HS6ST3: variants seen among roughly 807,000 people sequenced by gnomAD.
The protein encoded by HS6ST3 is heparan sulfate 6-O-sulfotransferase 3.
Under a neutral mutation model 36.7 loss-of-function variants are expected in HS6ST3, and 12 were observed. The observed-to-expected ratio is 0.33, with a 90% confidence interval of 0.21 to 0.53. The LOEUF is 0.53. Ranked by LOEUF, HS6ST3 falls within the 20% of genes least tolerant of loss-of-function variation. The pLI is 0.95. For synonymous variants in HS6ST3, 240 were observed against 257.5 expected (o/e 0.93, Z 0.65); for missense variants, 584 against 640.9 (o/e 0.91, Z 0.96).
At chr13:96,163,443 A>T (rs1012706700) in intron 1 of HS6ST3, among the ~76,000 whole-genome samples, 1 of 151,766 alleles carries the variant, frequency 6.6e-6, no homozygotes, top group Non-Finnish European at 1.5e-5. Context: ...ATTAGCTAGC[A>T]TGGTCTCGAT....
intron 1 of HS6ST3, among the ~76,000 whole-genome samples, chr13:96,618,042 C>T (rs1346670684): frequency 6.6e-6 from 1 of 152,184 alleles, no homozygotes; most frequent in Non-Finnish European, 1.5e-5. Context: ...AGCTTGCACT[C>T]CAATGAACAG....
rs1268298882 is a variant in HS6ST3, at chr13:96,832,831, T to G, written c.1049T>G (p.Phe350Cys). ...SAKNNLKNMA[F>C]FGLTEFQRKT... ...AAGAACAACCTGAAGAACATGGCCT[T>G]CTTTGGGCTCACTGAGTTCCAGAGG... The change falls in exon 2 of 2, where the codon TTC becomes TGC. Residue 350 changes from phenylalanine (F) to cysteine (C), a missense_variant. By Grantham distance (205) the Phe-to-Cys change is radical. Transcript: ENST00000376705. 6.2e-7 allele frequency: 1 copy of G among 1,614,156 alleles called. No homozygotes were observed. The highest frequency in any genetic ancestry group is 1.7e-5 in the Admixed American group (1 of 60,032).
chr13:96,253,195 T>C (rs570015732), intron 1 of HS6ST3, among the ~76,000 whole-genome samples: 4 of 152,086 alleles, frequency 2.6e-5, no homozygotes, highest in African/African-American at 7.2e-5. Context: ...GAATCTGCAG[T>C]TGGCTGTTGA....
intron 1 of HS6ST3, among the ~76,000 whole-genome samples, chr13:96,439,193 T>C (rs1163607918): frequency 6.6e-6 from 1 of 152,320 alleles, no homozygotes; most frequent in East Asian, 1.9e-4. Flanking sequence ...AGCAGAACAC[T>C]ATGGTTCTAG....
At chr13:96,697,474 C>T (rs182723178) in intron 1 of HS6ST3, among the ~76,000 whole-genome samples, 17 of 152,020 alleles carry the variant, frequency 1.1e-4, no homozygotes, top group Middle Eastern at 3.4e-3. Flanking sequence ...CTGAAGAGGA[C>T]AAGATCTTTC....
chr13:96,248,146 T>G (rs2054592602), intron 1 of HS6ST3, among the ~76,000 whole-genome samples: 1 of 152,198 alleles, frequency 6.6e-6, no homozygotes, highest in Admixed American at 6.5e-5. Context: ...TGCAGACATT[T>G]TAACCCTAAA....
At chr13:96,214,427 C>T (rs1269678235) in intron 1 of HS6ST3, among the ~76,000 whole-genome samples, 1 of 152,090 alleles carries the variant, frequency 6.6e-6, no homozygotes, top group Non-Finnish European at 1.5e-5. Context: ...CCCCAGACTC[C>T]TGGAGTTCTA....
rs548794164 is a variant in HS6ST3 at position 96,440,758 on chromosome 13, A to G, written c.707+349189A>G. 1.1e-4 allele frequency among the ~76,000 whole-genome samples: 16 copies of G among 152,330 alleles called. No individual in the cohort carries two copies. In the East Asian group the frequency reaches 2.5e-3, roughly 24 times the overall value. On this transcript the variant is annotated intron_variant, in intron 1 of 1. Transcript: ENST00000376705. ...GCAGAGACTACAGTGGTTTGACTTA[A>G]GGAATCCCAGCAAGACTATAAGAAA...
intron 1 of HS6ST3, among the ~76,000 whole-genome samples, chr13:96,702,905 G>T (rs1438794626): frequency 6.6e-6 from 1 of 152,174 alleles, no homozygotes; most frequent in Non-Finnish European, 1.5e-5. Flanking sequence ...GATATACTTG[G>T]AAGTGTTTAT....
At chr13:96,261,926 C>A (rs529363226) in intron 1 of HS6ST3, among the ~76,000 whole-genome samples, 2 of 152,232 alleles carry the variant, frequency 1.3e-5, no homozygotes, top group South Asian at 2.1e-4. Flanking sequence ...TAACCTGAAC[C>A]AAGGCTCTTA....
At chr13:96,485,822 A>G (rs1653706792) in intron 1 of HS6ST3, among the ~76,000 whole-genome samples, 2 of 152,170 alleles carry the variant, frequency 1.3e-5, no homozygotes, top group South Asian at 4.1e-4. Flanking sequence ...CATGTAGGCT[A>G]CAATACTTCA....
chr13:96,761,557 G>C (rs1193994707), intron 1 of HS6ST3, among the ~76,000 whole-genome samples: 2 of 151,706 alleles, frequency 1.3e-5, no homozygotes, highest in Non-Finnish European at 2.9e-5. Context: ...TAATAAAATA[G>C]ATGAAGTTGA....
intron 1 of HS6ST3, among the ~76,000 whole-genome samples, chr13:96,753,021 G>C (rs1431559462): frequency 6.6e-6 from 1 of 152,138 alleles, no homozygotes; most frequent in Non-Finnish European, 1.5e-5. Flanking sequence ...TGTTTTTGAA[G>C]AGGATCTCTT....
At chr13:96,214,455 T>C (rs1017231940) in intron 1 of HS6ST3, among the ~76,000 whole-genome samples, 1 of 152,238 alleles carries the variant, frequency 6.6e-6, no homozygotes, top group African/African-American at 2.4e-5. Context: ...CATCTCATTA[T>C]AATTTTTTAA....
intron 1 of HS6ST3, among the ~76,000 whole-genome samples, chr13:96,471,539 ATGAT>A (rs549067896): frequency 9.7e-4 from 148 of 152,218 alleles, no homozygotes; most frequent in Admixed American, 4.0e-3. Context: ...AATCCAGTGA[ATGAT>A]TGAGCAGCTG....
chr13:96,377,372 A>G (rs1366221435), intron 1 of HS6ST3, among the ~76,000 whole-genome samples: 1 of 152,042 alleles, frequency 6.6e-6, no homozygotes, highest in Non-Finnish European at 1.5e-5. Context: ...CAACAACAAC[A>G]ATAATAATTA....
chr13:96,799,988 ATATATATATG>A (rs1191822732), intron 1 of HS6ST3, among the ~76,000 whole-genome samples: 4 of 124,428 alleles, frequency 3.2e-5, no homozygotes, highest in Admixed American at 1.6e-4. Flanking sequence ...ATATGTATAT[ATATATATATG>A]TATATATATA....
At chr13:96,582,025 C>T (rs916012633) in intron 1 of HS6ST3, among the ~76,000 whole-genome samples, 2 of 152,198 alleles carry the variant, frequency 1.3e-5, no homozygotes, top group African/African-American at 2.4e-5. Flanking sequence ...TTCTATTCAA[C>T]TCCAGCTGTT....
intron 1 of HS6ST3, among the ~76,000 whole-genome samples, chr13:96,752,743 C>T (rs1377028923): frequency 6.6e-6 from 1 of 151,710 alleles, no homozygotes; most frequent in African/African-American, 2.4e-5. Flanking sequence ...TAGTTTGGAG[C>T]TTGTCTTCCA....
Sources: allele counts gnomAD v4.1 joint callset (sites outside exome capture counted in the v4.1 genomes callset), GRCh38; gene constraint gnomAD v4.1.1; transcripts MANE v1.5; gene names NCBI Gene and HGNC (gene_info 2026-07-23, HGNC 2026-07-21).